FAM131C: variants seen among roughly 807,000 people sequenced by gnomAD.
FAM131C encodes the protein protein FAM131C.
FAM131C carries 14 observed loss-of-function variants against 29.8 expected under a neutral mutation model. That is an observed-to-expected ratio of 0.47 (90% CI 0.31 to 0.73). The LOEUF is 0.73. Among genes scored for constraint, FAM131C ranks in the 30% least tolerant of loss-of-function variants. The pLI, the probability that FAM131C is intolerant of heterozygous loss-of-function variation, is 0.05. For synonymous variants in FAM131C, 86 were observed against 157.8 expected (o/e 0.54, Z 3.41); for missense variants, 252 against 383.8 (o/e 0.66, Z 2.87).
rs557424506 is a variant in FAM131C at position 16,072,088 on chromosome 1, C to T, written c.22+1333G>A. 2.2e-3 allele frequency among the ~76,000 whole-genome samples: 341 copies of T among 152,328 alleles called. 2 individuals are homozygous for T. The highest frequency in any genetic ancestry group is 6.2e-3 in the African/African-American group (259 of 41,562). ...CCTTCCCCTCCCGCTAGGCTGCAGG[C>T]CTCCCGTACCAGGTGCTGTGCTGGG... On this transcript the variant is annotated intron_variant, in intron 1 of 6. Transcript: ENST00000375662.
chr1:16,069,080 G>A (rs761910072), intron 1 of FAM131C, among the ~76,000 whole-genome samples: 3 of 152,168 alleles, frequency 2.0e-5, no homozygotes, highest in Admixed American at 6.5e-5. Context: ...ATAGGGAAAC[G>A]GAGGCTCAGA....
At chr1:16,068,229 T>C (rs1288033170) in intron 1 of FAM131C, among the ~76,000 whole-genome samples, 2 of 152,250 alleles carry the variant, frequency 1.3e-5, no homozygotes, top group Admixed American at 6.5e-5. Flanking sequence ...TTACGGTCCC[T>C]GAGCTGGGTT....
chr1:16,066,953 C>G (rs1275978288), intron 1 of FAM131C, among the ~76,000 whole-genome samples: 1 of 152,196 alleles, frequency 6.6e-6, no homozygotes, highest in Non-Finnish European at 1.5e-5. Flanking sequence ...TTCTAGGACC[C>G]CTGGCCATCC....
chr1:16,060,434 C>T (rs1049009777), intron 4 of FAM131C, among the ~76,000 whole-genome samples: 2 of 137,106 alleles, frequency 1.5e-5, no homozygotes, highest in African/African-American at 5.0e-5. Context: ...CCAAGGAGAG[C>T]CACCCAAGGA....
intron 1 of FAM131C, among the ~76,000 whole-genome samples, chr1:16,068,285 C>T (rs571408457): frequency 3.3e-5 from 5 of 152,366 alleles, no homozygotes; most frequent in African/African-American, 1.2e-4. Context: ...GGGCATGGGA[C>T]TTAGCCCCTG....
intron 5 of FAM131C, 52 bp downstream of exon 5, chr1:16,059,817 A>G: frequency 1.9e-6 from 3 of 1,548,894 alleles, no homozygotes; most frequent in South Asian, 1.2e-5. Context: ...TGGGCCCCCA[A>G]GGACCCAGCT....
In FAM131C at chr1:16,073,554, G is replaced by C. The variant is rs2023781551; in HGVS notation, c.-112C>G. 2.0e-6 allele frequency: 1 copy of C among 488,110 alleles called. No individual in the cohort carries two copies. The highest frequency in any genetic ancestry group is 5.3e-5 in the East Asian group (1 of 18,786). 30.2% of individuals were successfully genotyped at this position (488,110 alleles called of 1,614,324 possible). ...GCGGAGCCAGAGGACGGGCGGGGCG[G>C]GGGGCTCGGGCGCCCTCAGCTCGGC... On this transcript the variant is annotated 5_prime_UTR_variant, in exon 1 of 7. Transcript: ENST00000375662.
chr1:16,063,423 G>A, intron 2 of FAM131C, 98 bp downstream of exon 2: 1 of 954,006 alleles, frequency 1.0e-6, no homozygotes, highest in South Asian at 1.4e-5. Flanking sequence ...GGTTTGGCAG[G>A]GAAGGAAGGA....
chr1:16,062,755 C>A (rs1191340509), intron 2 of FAM131C, among the ~76,000 whole-genome samples: 5 of 152,280 alleles, frequency 3.3e-5, no homozygotes, highest in African/African-American at 1.2e-4. Context: ...TCGGGTGCCG[C>A]TTATAGAGCA....
rs1262787341 is a variant in FAM131C at position 16,058,505 on chromosome 1, G to T, written c.775C>A (p.Pro259Thr). The T allele has an allele frequency of 1.3e-6, 2 of 1,513,116 alleles. No homozygotes were observed. Among genetic ancestry groups the T allele is most frequent in the Non-Finnish European group, 1.8e-6 (2 of 1,132,192 alleles). 93.7% of individuals were successfully genotyped at this position (1,513,116 alleles called of 1,614,324 possible). The change falls in exon 7 of 7, where the codon CCC becomes ACC. Residue 259 changes from proline to threonine, a missense_variant. Pro to Thr is a conservative substitution (Grantham distance 38, BLOSUM62 -1). Coordinates refer to ENST00000375662, the MANE Select transcript of FAM131C (RefSeq NM_182623.3). Reference protein sequence around the residue: ...GAQGPEGGTHPPGSLPSMDSG... With the variant: ...GAQGPEGGTHTPGSLPSMDSG... The stretch of plus-strand genomic sequence containing the variant: ...TCCATGGAGGGGAGGGAGCCCGGGG[G>T]GTGGGTCCCACCCTCGGGTCCTTGG...
chr1:16,072,964 G>A (rs1360248465), intron 1 of FAM131C, among the ~76,000 whole-genome samples: 1 of 151,896 alleles, frequency 6.6e-6, no homozygotes, highest in Admixed American at 6.5e-5. Flanking sequence ...GGGCTCTGCA[G>A]ATGGGGGCAC....
At chr1:16,070,345 T>A (rs1005451203) in intron 1 of FAM131C, among the ~76,000 whole-genome samples, 1 of 152,234 alleles carries the variant, frequency 6.6e-6, no homozygotes, top group Non-Finnish European at 1.5e-5. Flanking sequence ...ATTTGTTGCC[T>A]TAATCTGGTC....
At position 16,058,404 on chromosome 1, in the gene FAM131C, G is replaced by A; in HGVS notation, c.*33C>T. On this transcript the variant is annotated 3_prime_UTR_variant, in exon 7 of 7. Transcript: ENST00000375662. ...GCTGCCCACCAGGCGAGGTCATGGT[G>A]AGAGCAGGTGCTGGACCAGCACAGC... 2.1e-6 allele frequency: 3 copies of A among 1,442,396 alleles called. No individual in the cohort carries two copies. In the East Asian group the frequency reaches 7.5e-5, roughly 36 times the overall value. 89.3% of individuals were successfully genotyped at this position (1,442,396 alleles called of 1,614,324 possible).
chr1:16,070,999 C>T (rs1333314237), intron 1 of FAM131C, among the ~76,000 whole-genome samples: 1 of 152,250 alleles, frequency 6.6e-6, no homozygotes, highest in African/African-American at 2.4e-5. Flanking sequence ...GTGGCCCCAG[C>T]TGGGTGCAAG....
At chr1:16,061,700 C>G (rs1205134879) in intron 4 of FAM131C, among the ~76,000 whole-genome samples, 2 of 152,164 alleles carry the variant, frequency 1.3e-5, no homozygotes, top group South Asian at 4.2e-4. Flanking sequence ...GCCCCTCTGC[C>G]TCCCCCGCTG....
rs778345976 is a variant in FAM131C, at chr1:16,063,582, A to G, written c.77T>C (p.Leu26Ser). ...NCPMPQGADP[L>S]NPDLPSGRTP... ...GCGGCCCGAGGGCAGATCTGGGTTC[A>G]AGGGGTCCGCACCCTGGGGCATGGG... Residue 26 changes from leucine (L) to serine (S), a missense_variant, in exon 2 of 7, where the codon TTG (leucine) becomes TCG (serine). Transcript: ENST00000375662. 2 of 1,613,926 alleles carry G rather than the reference A, an allele frequency of 1.2e-6. No individual in the cohort carries two copies. The highest frequency in any genetic ancestry group is 2.2e-5 in the South Asian group (2 of 91,074).
At chr1:16,063,179 T>C (rs965934088) in intron 2 of FAM131C, among the ~76,000 whole-genome samples, 3 of 148,620 alleles carry the variant, frequency 2.0e-5, no homozygotes, top group Non-Finnish European at 1.5e-5. Flanking sequence ...TATATATTTA[T>C]ATACAAATTA....
chr1:16,062,423 G>T, intron 3 of FAM131C, 76 bp downstream of exon 3: 1 of 1,505,218 alleles, frequency 6.6e-7, no homozygotes. Context: ...CTGTGTGCCT[G>T]GGCTGGGCAC....
At chr1:16,063,878 C>G (rs1173953820) in intron 1 of FAM131C, among the ~76,000 whole-genome samples, 1 of 152,066 alleles carries the variant, frequency 6.6e-6, no homozygotes, top group Non-Finnish European at 1.5e-5. Context: ...TTCTAGCACC[C>G]ACACTCCAGC....
Sources: gnomAD v4.1 joint callset for allele counts (sites outside exome capture counted in the v4.1 genomes callset) on GRCh38, gnomAD v4.1.1 for gene constraint, MANE v1.5 for transcripts, NCBI Gene and HGNC (gene_info 2026-07-23, HGNC 2026-07-21) for gene names.